The following OR9Q1 variants were observed in gnomAD, a reference collection of about 807,000 sequenced individuals.
The protein encoded by OR9Q1 is olfactory receptor 9Q1.
For missense variants in OR9Q1, 374 were observed against 378.8 expected, an observed-to-expected ratio of 0.99 and a Z score of 0.11; for synonymous variants, 153 against 148.6, an observed-to-expected ratio of 1.03 and a Z score of -0.22.
At chr11:58,069,680 C>G (rs1430742568) in intron 2 of OR9Q1, among the ~76,000 whole-genome samples, 1 of 151,888 alleles carries the variant, frequency 6.6e-6, no homozygotes, top group Non-Finnish European at 1.5e-5. Context: ...TTGAGACCAG[C>G]CTTGGCAACA....
At chr11:58,036,244 C>A (rs769483306) in intron 1 of OR9Q1, among the ~76,000 whole-genome samples, 2 of 152,168 alleles carry the variant, frequency 1.3e-5, no homozygotes, top group Non-Finnish European at 2.9e-5. Context: ...TTTCCTGTCT[C>A]ATGCTGTTTA....
At chr11:58,057,362 G>A (rs1429675545) in intron 2 of OR9Q1, among the ~76,000 whole-genome samples, 2 of 152,080 alleles carry the variant, frequency 1.3e-5, no homozygotes, top group Non-Finnish European at 2.9e-5. Flanking sequence ...CTGATGACTA[G>A]GCCAAGCACT....
rs116705119 is a variant in OR9Q1, at chr11:58,178,515, C to T, written c.-14-916C>T. Among the ~76,000 whole-genome samples, 387 of 152,210 alleles carry T rather than the reference C, an allele frequency of 2.5e-3. 2 individuals carry two copies. Among genetic ancestry groups the T allele is most frequent in the African/African-American group, 9.0e-3 (374 of 41,542 alleles). The stretch of plus-strand genomic sequence containing the variant: ...TAGACAAGGAGAATAATTAGTTCCA[C>T]GGATGTTGTTCTAATCCAGGTGACA... On this transcript the variant is annotated intron_variant, in intron 2 of 2. Coordinates refer to ENST00000335397, the MANE Select transcript of OR9Q1 (RefSeq NM_001005212.4).
rs145126840 is a variant in OR9Q1 at position 58,037,074 on chromosome 11, T to C, written c.-93+12970T>C. Among the ~76,000 whole-genome samples the C allele has an allele frequency of 1.3e-3, 204 of 152,324 alleles. 3 individuals carry two copies. Among genetic ancestry groups the C allele is most frequent in the African/African-American group, 4.3e-3 (180 of 41,572 alleles). On this transcript the variant is annotated intron_variant, in intron 1 of 2. Transcript: ENST00000335397. ...CAATACAGCAAACTTCATTGTTGTCTTGTTTTAATAAAGCCACCTCAATCA... is the reference window on the plus strand; with the variant it reads ...CAATACAGCAAACTTCATTGTTGTCCTGTTTTAATAAAGCCACCTCAATCA...
intron 1 of OR9Q1, chr11:58,041,006 G>A (rs1853156840): frequency 6.6e-6 from 1 of 152,424 alleles, no homozygotes; most frequent in Non-Finnish European, 1.5e-5. Flanking sequence ...AGAGTGATAT[G>A]CTTTGCTTCA....
intron 2 of OR9Q1, among the ~76,000 whole-genome samples, chr11:58,094,742 T>C (rs1388399400): frequency 6.6e-6 from 1 of 152,226 alleles, no homozygotes; most frequent in African/African-American, 2.4e-5. Flanking sequence ...ACACAAAAAA[T>C]TGAAATTAAA....
At chr11:58,028,013 T>C (rs534818363) in intron 1 of OR9Q1, among the ~76,000 whole-genome samples, 1 of 150,706 alleles carries the variant, frequency 6.6e-6, no homozygotes, top group East Asian at 2.0e-4. Context: ...ACCTGCTCTG[T>C]ACCAGGCCCT....
intron 2 of OR9Q1, among the ~76,000 whole-genome samples, chr11:58,106,369 G>A (rs570566001): frequency 2.4e-4 from 36 of 151,894 alleles, no homozygotes; most frequent in African/African-American, 8.2e-4. Flanking sequence ...TTGAGTTGCC[G>A]GAGTTCGATA....
At chr11:58,151,782 T>C (rs1468747719) in intron 2 of OR9Q1, among the ~76,000 whole-genome samples, 1 of 152,158 alleles carries the variant, frequency 6.6e-6, no homozygotes, top group Non-Finnish European at 1.5e-5. Context: ...GACCATTTTT[T>C]TTTTTAACCT....
Position 58,068,950 on chromosome 11 carries a change from C to T in OR9Q1, c.-15+13003C>T, listed in dbSNP as rs117017669. Among the ~76,000 whole-genome samples the T allele has an allele frequency of 6.6e-4, 101 of 152,252 alleles. 1 individual carries two copies. The East Asian group carries it at 0.017, about 26-fold the overall frequency. On this transcript the variant is annotated intron_variant, in intron 2 of 2. Coordinates refer to ENST00000335397, the MANE Select transcript of OR9Q1 (RefSeq NM_001005212.4). ...CAACACATTATTCTGCCCATGCCAG[C>T]CCCGAGAACATGTTCAGGAACCTCA...
At chr11:58,144,020 CTTTTA>C (rs1173970764) in intron 2 of OR9Q1, among the ~76,000 whole-genome samples, 8 of 151,774 alleles carry the variant, frequency 5.3e-5, no homozygotes, top group South Asian at 2.1e-4. Context: ...CTTAATTTAT[CTTTTA>C]TTTTATTTTA....
chr11:58,164,172 A>C (rs1854480783), intron 2 of OR9Q1, among the ~76,000 whole-genome samples: 1 of 152,074 alleles, frequency 6.6e-6, no homozygotes, highest in African/African-American at 2.4e-5. Context: ...ATGCGCATGT[A>C]GGGATTTATG....
intron 2 of OR9Q1, chr11:58,125,250 A>AG (rs1565083893): frequency 4.7e-4 from 13 of 27,556 alleles, no homozygotes; most frequent in African/African-American, 1.6e-3. Flanking sequence ...CCCCCCCCCC[A>AG]AAAAAAAGCT....
At chr11:58,037,156 A>G (rs1261385258) in intron 1 of OR9Q1, among the ~76,000 whole-genome samples, 5 of 152,248 alleles carry the variant, frequency 3.3e-5, no homozygotes, top group Non-Finnish European at 5.9e-5. Flanking sequence ...AAGTCCCTCT[A>G]TAAGCAAAAA....
chr11:58,111,821 C>A (rs1396368696), intron 2 of OR9Q1, among the ~76,000 whole-genome samples: 1 of 152,110 alleles, frequency 6.6e-6, no homozygotes, highest in African/African-American at 2.4e-5. Context: ...CTATCCTATT[C>A]TATGACTTAA....
At chr11:58,122,539 T>G (rs1155857) in intron 2 of OR9Q1, among the ~76,000 whole-genome samples, 150,812 of 152,296 alleles carry the variant, frequency 0.99, 74,689 homozygotes, top group East Asian at 1. Flanking sequence ...AGGCTCTGTA[T>G]CTACTAAATA....
At chr11:58,079,722 A>G (rs1289962567) in intron 2 of OR9Q1, among the ~76,000 whole-genome samples, 1 of 152,188 alleles carries the variant, frequency 6.6e-6, no homozygotes, top group Non-Finnish European at 1.5e-5. Context: ...AAACCATGAG[A>G]AAAGGCGCCC....
At chr11:58,034,742 C>CCTTCCTTCCTTCCTT (rs1853080123) in intron 1 of OR9Q1, among the ~76,000 whole-genome samples, 1 of 131,428 alleles carries the variant, frequency 7.6e-6, no homozygotes, top group Non-Finnish European at 1.6e-5. Flanking sequence ...TTCTTTCCTT[C>CCTTCCTTCCTTCCTT]CTTCCTTCCT....
intron 2 of OR9Q1, among the ~76,000 whole-genome samples, chr11:58,090,222 G>C (rs1853671202): frequency 6.6e-6 from 1 of 152,140 alleles, no homozygotes; most frequent in Non-Finnish European, 1.5e-5. Context: ...CTTGTCTTGT[G>C]CCGGTTTTCA....
Sources: allele counts gnomAD v4.1 joint callset (sites outside exome capture counted in the v4.1 genomes callset), GRCh38; gene constraint gnomAD v4.1.1; transcripts MANE v1.5; gene names NCBI Gene and HGNC (gene_info 2026-07-23, HGNC 2026-07-21).